SERINC5: variants seen among roughly 807,000 people sequenced by gnomAD.
The protein encoded by SERINC5 is chromosome 5 open reading frame 12.
A neutral mutation model predicts 63.1 loss-of-function variants in SERINC5; 41 were observed. The observed-to-expected ratio is 0.65, with a 90% CI of 0.51 to 0.84. The LOEUF is 0.84. Among genes scored for constraint, SERINC5 ranks in the 40% least tolerant of loss-of-function variants. The probability of loss-of-function intolerance (pLI) is 0.00; values close to 1 mark genes in which losing one functional copy is unlikely to be tolerated. For synonymous variants in SERINC5, 222 were observed against 215.2 expected (o/e 1.03, Z -0.28); for missense variants, 523 against 573.0 (o/e 0.91, Z 0.89).
chr5:80,233,862 T>G (rs549509085), intron 1 of SERINC5, among the ~76,000 whole-genome samples: 1 of 135,886 alleles, frequency 7.4e-6, no homozygotes, highest in Non-Finnish European at 1.5e-5. Flanking sequence ...CCCAGGCTGG[T>G]GTGCAGCGGC....
At chr5:80,184,763 TCACATACAAATTC>T (rs1288939957) in intron 2 of SERINC5, among the ~76,000 whole-genome samples, 2 of 152,148 alleles carry the variant, frequency 1.3e-5, no homozygotes, top group Non-Finnish European at 2.9e-5. Flanking sequence ...AAAAAATACA[TCACATACAAATTC>T]CACACCACAG....
chr5:80,135,575 A>C (rs1296568610), downstream of SERINC5, among the ~76,000 whole-genome samples: 1 of 152,156 alleles, frequency 6.6e-6, no homozygotes, highest in African/African-American at 2.4e-5. Context: ...AATCTGAATA[A>C]GGTTTGCAGT....
intron 11 of SERINC5, among the ~76,000 whole-genome samples, chr5:80,123,689 A>G (rs558310060): frequency 9.2e-5 from 14 of 152,234 alleles, no homozygotes; most frequent in Non-Finnish European, 1.8e-4. Context: ...AACAAAGTTA[A>G]GCAAAATGAC....
chr5:80,219,322 TC>T (rs1750800305), intron 1 of SERINC5, among the ~76,000 whole-genome samples: 2 of 152,248 alleles, frequency 1.3e-5, no homozygotes, highest in Non-Finnish European at 2.9e-5. Flanking sequence ...TGCACTGTTT[TC>T]CTACAGCTGA....
intron 1 of SERINC5, among the ~76,000 whole-genome samples, chr5:80,218,084 T>G (rs1368539154): frequency 2.0e-5 from 3 of 152,200 alleles, no homozygotes; most frequent in Non-Finnish European, 4.4e-5. Context: ...TAAAAAACGC[T>G]CTGCTCCATC....
rs1580102781 is a variant in SERINC5, at chr5:80,169,560, A to G, written c.552-14T>C. 2 of 1,602,276 alleles carry G rather than the reference A, an allele frequency of 1.2e-6. No homozygotes were observed. Among genetic ancestry groups the G allele is most frequent in the African/African-American group, 2.7e-5 (2 of 74,722 alleles). On this transcript the variant is annotated splice_polypyrimidine_tract_variant and intron_variant, in intron 5 of 11. Transcript: ENST00000507668. ...GTGCCTGCTGTCCTGTTTCTCCGGG[A>G]AGTGGGTAAGAGGGAGAGGAGAGAA... is the stretch of plus-strand genomic sequence containing the variant.
intron 4 of SERINC5, among the ~76,000 whole-genome samples, chr5:80,176,539 C>T (rs1748043809): frequency 6.6e-6 from 1 of 152,168 alleles, no homozygotes; most frequent in African/African-American, 2.4e-5. Context: ...TCAAGCAATT[C>T]TCATGTCTCA....
At chr5:80,130,770 T>C (rs752767137) in intron 11 of SERINC5, among the ~76,000 whole-genome samples, 1 of 152,200 alleles carries the variant, frequency 6.6e-6, no homozygotes, top group African/African-American at 2.4e-5. Flanking sequence ...CTTTTATCCA[T>C]CCATTTGTTC....
At chr5:80,233,240 A>G (rs991435002) in intron 1 of SERINC5, among the ~76,000 whole-genome samples, 1 of 152,344 alleles carries the variant, frequency 6.6e-6, no homozygotes, top group South Asian at 2.1e-4. Flanking sequence ...AGCCTGACCA[A>G]TATGGAGAAA....
chr5:80,239,890 C>T (rs1751875498), intron 1 of SERINC5, among the ~76,000 whole-genome samples: 1 of 152,056 alleles, frequency 6.6e-6, no homozygotes, highest in Non-Finnish European at 1.5e-5. Flanking sequence ...GTCAGAAGAA[C>T]AGAAGACCCT....
chr5:80,122,406 T>A (rs1744586298), intron 11 of SERINC5, among the ~76,000 whole-genome samples: 1 of 151,908 alleles, frequency 6.6e-6, no homozygotes, highest in Non-Finnish European at 1.5e-5. Flanking sequence ...TGGCAGCTGA[T>A]TAGACTGTGC....
intron 2 of SERINC5, among the ~76,000 whole-genome samples, chr5:80,194,329 T>C (rs1749371332): frequency 1.3e-5 from 2 of 152,196 alleles, no homozygotes; most frequent in Non-Finnish European, 2.9e-5. Context: ...TCAGGTACAG[T>C]GTGCTCTGAA....
At chr5:80,167,508 TG>T (rs757535489) in intron 6 of SERINC5, among the ~76,000 whole-genome samples, 56 of 152,344 alleles carry the variant, frequency 3.7e-4, no homozygotes, top group Non-Finnish European at 5.9e-4. Context: ...GGCATGTCGG[TG>T]ATTCCATATC....
At chr5:80,147,307 C>A (rs772259277) in intron 9 of SERINC5, 23 bp from the exon 10 acceptor site, 3 of 1,602,678 alleles carry the variant, frequency 1.9e-6, no homozygotes, top group Non-Finnish European at 2.6e-6. Context: ...AAGCAACAGT[C>A]AGGCGGCTTG....
At chr5:80,230,451 A>T (rs991519409) in intron 1 of SERINC5, among the ~76,000 whole-genome samples, 1 of 146,532 alleles carries the variant, frequency 6.8e-6, no homozygotes, top group African/African-American at 2.6e-5. Context: ...GTCACAAAAA[A>T]AAAAAAAAAA....
chr5:80,200,260 G>A (rs570275099), intron 2 of SERINC5, among the ~76,000 whole-genome samples: 32 of 151,358 alleles, frequency 2.1e-4, no homozygotes, highest in Admixed American at 1.8e-3. Flanking sequence ...GGCGGATCAC[G>A]AGGTCAGGAG....
At chr5:80,196,265 C>T (rs919874200) in intron 2 of SERINC5, among the ~76,000 whole-genome samples, 12 of 152,004 alleles carry the variant, frequency 7.9e-5, no homozygotes, top group Non-Finnish European at 1.6e-4. Context: ...AGCAAGCGAA[C>T]GGGAAGGGCA....
chr5:80,206,959 ACT>A (rs1210059310), intron 1 of SERINC5, among the ~76,000 whole-genome samples: 4 of 150,280 alleles, frequency 2.7e-5, no homozygotes, highest in African/African-American at 9.8e-5. Context: ...CTGGTTGCTA[ACT>A]CTCTGTTACC....
At chr5:80,173,378 C>G (rs922101343) in intron 5 of SERINC5, among the ~76,000 whole-genome samples, 17 of 151,916 alleles carry the variant, frequency 1.1e-4, no homozygotes, top group South Asian at 2.1e-4. Context: ...GGCGGATCAC[C>G]AGGTCAGGAG....
Sources: gnomAD v4.1 joint callset for allele counts (sites outside exome capture counted in the v4.1 genomes callset) on GRCh38, gnomAD v4.1.1 for gene constraint, MANE v1.5 for transcripts, NCBI Gene and HGNC (gene_info 2026-07-23, HGNC 2026-07-21) for gene names.